The following CATSPERE variants were observed in gnomAD, a reference collection of about 807,000 sequenced individuals.
CATSPERE encodes the protein cation channel sperm-associated auxiliary subunit epsilon.
CATSPERE carries 93 observed loss-of-function variants against 114.1 expected under a neutral mutation model. The ratio of observed to expected loss-of-function variants is 0.81; its 90% CI spans 0.69 to 0.97. The LOEUF (loss-of-function observed/expected upper bound fraction) is 0.97, where lower values mean the gene tolerates loss of function less well. CATSPERE is among the 50% of genes least tolerant of loss of function. The probability of loss-of-function intolerance (pLI) is 0.00; values close to 1 mark genes in which losing one functional copy is unlikely to be tolerated. For missense variants in CATSPERE, 1,058 were observed against 1,131.6 expected (o/e 0.93, Z 0.93); for synonymous variants, 341 against 384.1 (o/e 0.89, Z 1.31).
intron 20 of CATSPERE, among the ~76,000 whole-genome samples, chr1:244,627,063 C>T (rs1673289746): frequency 6.6e-6 from 1 of 152,168 alleles, no homozygotes; most frequent in Non-Finnish European, 1.5e-5. Flanking sequence ...GTGCCTCTTC[C>T]ATTTACTTGA....
upstream of CATSPERE, chr1:244,451,876 T>C: frequency 6.9e-7 from 1 of 1,439,702 alleles, no homozygotes; most frequent in Non-Finnish European, 9.2e-7. This position sits in a 1 kb window ranked among gnomAD's most constrained non-coding sequence, Gnocchi z 6.6. Context: ...GTGAGCGAAC[T>C]GAACTGCTCT....
At chr1:244,469,008 C>T (rs1668040559) in intron 2 of CATSPERE, among the ~76,000 whole-genome samples, 1 of 152,170 alleles carries the variant, frequency 6.6e-6, no homozygotes, top group Non-Finnish European at 1.5e-5. Flanking sequence ...AAAAATCCTT[C>T]TCTACTCTGT....
At chr1:244,523,075 C>CA (rs894701762) in intron 8 of CATSPERE, among the ~76,000 whole-genome samples, 4 of 147,748 alleles carry the variant, frequency 2.7e-5, no homozygotes, top group Admixed American at 2.6e-4. Flanking sequence ...GACATTGATG[C>CA]AAAAATCCTC....
At chr1:244,562,141 G>A (rs937821960) in intron 10 of CATSPERE, among the ~76,000 whole-genome samples, 85 of 108,270 alleles carry the variant, frequency 7.9e-4, no homozygotes, top group African/African-American at 2.9e-3. Flanking sequence ...ACAACAGAGC[G>A]AGATCCTGTC....
Position 244,607,500 on chromosome 1 carries a change from C to T in CATSPERE, c.2403+1706C>T, listed in dbSNP as rs1384565137. On this transcript the variant is annotated intron_variant, in intron 18 of 21. Coordinates refer to ENST00000366534, the MANE Select transcript of CATSPERE (RefSeq NM_001130957.2). This position sits in a 1 kb window ranked among gnomAD's most constrained non-coding sequence, Gnocchi z 4.4. ...GGGTATTGCTGGGAAAGTTTCTAAA[C>T]AGGGACTACGTTTCCCAGATGCATT... Among the ~76,000 whole-genome samples the T allele has an allele frequency of 1.3e-5, 2 of 152,210 alleles. No individual in the cohort carries two copies. Among genetic ancestry groups the T allele is most frequent in the African/African-American group, 2.4e-5 (1 of 41,450 alleles).
At chr1:244,496,044 T>G (rs535389978) in intron 6 of CATSPERE, among the ~76,000 whole-genome samples, 1 of 152,046 alleles carries the variant, frequency 6.6e-6, no homozygotes, top group African/African-American at 2.4e-5. Flanking sequence ...GCGTGTGAAA[T>G]CAGTAACAAA....
chr1:244,526,738 T>C (rs1319899810), intron 8 of CATSPERE, among the ~76,000 whole-genome samples: 1 of 150,366 alleles, frequency 6.7e-6, no homozygotes, highest in Non-Finnish European at 1.5e-5. Flanking sequence ...AACCTCAAAC[T>C]CCTAGGTATC....
At chr1:244,537,926 T>G (rs1680615833) in intron 8 of CATSPERE, among the ~76,000 whole-genome samples, 1 of 152,226 alleles carries the variant, frequency 6.6e-6, no homozygotes, top group South Asian at 2.1e-4. Context: ...GATCTGTTAA[T>G]TAATGATAGA....
At chr1:244,627,973 T>C (rs1390439844) in intron 20 of CATSPERE, among the ~76,000 whole-genome samples, 1 of 152,244 alleles carries the variant, frequency 6.6e-6, no homozygotes, top group Non-Finnish European at 1.5e-5. Context: ...GCTATGTGCA[T>C]AACCTGCCTG....
intron 5 of CATSPERE, among the ~76,000 whole-genome samples, chr1:244,483,713 C>A (rs1235731153): frequency 6.6e-6 from 1 of 152,002 alleles, no homozygotes; most frequent in African/African-American, 2.4e-5. Context: ...AATTACTACT[C>A]CATTATCACT....
At chr1:244,603,517 A>G (rs1419177196) in intron 17 of CATSPERE, among the ~76,000 whole-genome samples, 2 of 152,226 alleles carry the variant, frequency 1.3e-5, no homozygotes, top group Non-Finnish European at 2.9e-5. Context: ...ATTTTTTCAA[A>G]TATATTCAAT....
At chr1:244,476,351 A>C (rs779181729) in intron 2 of CATSPERE, among the ~76,000 whole-genome samples, 17 of 150,366 alleles carry the variant, frequency 1.1e-4, no homozygotes, top group Middle Eastern at 3.5e-3. Flanking sequence ...TACTAATTAT[A>C]TTTTTTAAGT....
Position 244,640,154 on chromosome 1 carries a change from T to C in CATSPERE, c.*73T>C. The C allele has an allele frequency of 8.1e-7, 1 of 1,237,718 alleles. No individual in the cohort carries two copies. Among genetic ancestry groups the C allele is most frequent in the Non-Finnish European group, 1.1e-6 (1 of 898,382 alleles). The allele number at this position is 1,237,718 out of a possible 1,614,324, so 76.7% of individuals were successfully genotyped here. A position where few individuals can be genotyped will look rare whatever the true frequency, so the allele number is the denominator to read the frequency against. ...GTGTATTACATAGTGATATTGAGAG[T>C]GTGTGTTTGACCAAGAAATACTAAA... On this transcript the variant is annotated 3_prime_UTR_variant, in exon 22 of 22. Coordinates refer to ENST00000366534, the MANE Select transcript of CATSPERE (RefSeq NM_001130957.2).
intron 7 of CATSPERE, among the ~76,000 whole-genome samples, chr1:244,515,605 A>G (rs572207077): frequency 6.6e-6 from 1 of 152,298 alleles, no homozygotes; most frequent in Admixed American, 6.5e-5. Context: ...CTGAGAAGAG[A>G]GGGGGCCTAA....
At position 244,575,825 on chromosome 1, in the gene CATSPERE, T is replaced by C. The variant is rs534209820; in HGVS notation, c.1950+3053T>C. Among the ~76,000 whole-genome samples the C allele has an allele frequency of 6.6e-6, 1 of 151,870 alleles. No individual in the cohort carries two copies. The highest frequency in any genetic ancestry group is 2.1e-4 in the South Asian group (1 of 4,796). On this transcript the variant is annotated intron_variant, in intron 11 of 21. Transcript: ENST00000366534. This position sits in a 1 kb window ranked among gnomAD's most constrained non-coding sequence, Gnocchi z 4.5. ...CACCGAGAAGAGAGGAAAGGGAAGT[T>C]TTGAATATTTTTCCTATTGCTGGAG...
chr1:244,563,242 T>C (rs1315741546), intron 10 of CATSPERE, among the ~76,000 whole-genome samples: 2 of 152,234 alleles, frequency 1.3e-5, no homozygotes, highest in Non-Finnish European at 2.9e-5. Flanking sequence ...CATATGTCTT[T>C]ATAGTAGAAT....
rs1030291945 is a variant in CATSPERE at position 244,583,398 on chromosome 1, T to C, written c.2010-466T>C. Reference sequence around the variant, plus strand: ...AGTCAGATCATATTAGACCATTTAATGTGGCTCAGAAAACTAATTTTACAA... The same window carrying C: ...AGTCAGATCATATTAGACCATTTAACGTGGCTCAGAAAACTAATTTTACAA... On this transcript the variant is annotated intron_variant, in intron 12 of 21. Transcript: ENST00000366534. Among the ~76,000 whole-genome samples the C allele has an allele frequency of 2.6e-5, 4 of 152,158 alleles. No homozygotes were observed. In the East Asian group the frequency reaches 5.8e-4, roughly 22 times the overall value.
At chr1:244,625,424 A>T (rs376206181) in intron 20 of CATSPERE, among the ~76,000 whole-genome samples, 40 of 3,952 alleles carry the variant, frequency 0.01, 2 homozygotes, top group South Asian at 0.025. Context: ...ATATATATAT[A>T]TATATATATT....
intron 1 of CATSPERE, among the ~76,000 whole-genome samples, chr1:244,456,153 G>A (rs975543892): frequency 6.7e-6 from 1 of 149,650 alleles, no homozygotes; most frequent in African/African-American, 2.5e-5. Flanking sequence ...ATTGGCTTTG[G>A]GTTGCGTTGC....
Sources: allele counts gnomAD v4.1 joint callset (sites outside exome capture counted in the v4.1 genomes callset), GRCh38; gene constraint gnomAD v4.1.1; non-coding constraint Gnocchi (gnomAD v3.1); transcripts MANE v1.5; gene names NCBI Gene and HGNC (gene_info 2026-07-23, HGNC 2026-07-21).